ALDH18A1: variants seen among roughly 807,000 people sequenced by gnomAD.
ALDH18A1 encodes the protein delta-1-pyrroline-5-carboxylate synthase.
ALDH18A1 carries 44 observed loss-of-function variants against 88.8 expected under a neutral mutation model. The observed-to-expected ratio is 0.50, with a 90% CI of 0.39 to 0.64. ALDH18A1 has a LOEUF of 0.64. Among genes scored for constraint, ALDH18A1 ranks in the 30% least tolerant of loss-of-function variants. ALDH18A1 has a pLI of 0.00. For missense variants in ALDH18A1, 782 were observed against 1,009.5 expected (o/e 0.77, Z 3.05); for synonymous variants, 331 against 372.1 (o/e 0.89, Z 1.27).
At chr10:95,642,729 T>C (rs1280194940) in intron 3 of ALDH18A1, among the ~76,000 whole-genome samples, 1 of 151,980 alleles carries the variant, frequency 6.6e-6, no homozygotes, top group Non-Finnish European at 1.5e-5. Context: ...TAAGAATCTC[T>C]GACAGAAACA....
chr10:95,640,615 T>A (rs989858928), intron 3 of ALDH18A1, among the ~76,000 whole-genome samples: 8 of 152,214 alleles, frequency 5.3e-5, no homozygotes, highest in African/African-American at 1.9e-4. Context: ...GTGTTGGGAT[T>A]ACAGGTGTAA....
chr10:95,630,129 A>G (rs4918950), intron 7 of ALDH18A1, among the ~76,000 whole-genome samples: 115,694 of 151,540 alleles, frequency 0.76, 45,021 homozygotes, highest in Middle Eastern at 0.86. Flanking sequence ...CCCCTCTCCC[A>G]ACAGGGTCTC....
At position 95,621,095 on chromosome 10, in the gene ALDH18A1, T is replaced by C; in HGVS notation, c.1403A>G (p.Gln468Arg). The change falls in exon 12 of 18, where the codon CAA becomes CGA. Residue 468 changes from glutamine (Q) to arginine (R), a missense_variant. Transcript: ENST00000371224. ...CAGAACTCCAATTGGGACAGTCACT[T>C]GTTCCAGTTCCAAGTTTTTGGCGAT... ...TRIAKNLELE[Q>R]VTVPIGVLLV... is the part of the protein sequence containing the mutation. The C allele has an allele frequency of 1.2e-6, 2 of 1,614,104 alleles. No homozygotes were observed. Among genetic ancestry groups the C allele is most frequent in the Non-Finnish European group, 1.7e-6 (2 of 1,180,022 alleles).
intron 11 of ALDH18A1, among the ~76,000 whole-genome samples, chr10:95,622,788 C>T (rs551164033): frequency 4.7e-4 from 71 of 152,198 alleles, no homozygotes; most frequent in African/African-American, 1.5e-3. Flanking sequence ...CTGCCCACCT[C>T]GGCCTCCCAA....
chr10:95,611,720 C>G (rs1052415790), intron 15 of ALDH18A1, among the ~76,000 whole-genome samples: 2 of 152,056 alleles, frequency 1.3e-5, no homozygotes, highest in Admixed American at 1.3e-4. Flanking sequence ...GCCTGTAATC[C>G]CAGTACTTTG....
intron 7 of ALDH18A1, among the ~76,000 whole-genome samples, chr10:95,631,818 G>T (rs552050898): frequency 6.6e-6 from 1 of 151,754 alleles, no homozygotes; most frequent in Non-Finnish European, 1.5e-5. Flanking sequence ...TACAATGCTG[G>T]TGAGAATGTG....
chr10:95,622,614 T>C (rs990832410), intron 11 of ALDH18A1, among the ~76,000 whole-genome samples: 7 of 152,214 alleles, frequency 4.6e-5, no homozygotes, highest in Non-Finnish European at 1.0e-4. Flanking sequence ...CTCGGCTCAC[T>C]GCAAGCTCCA....
chr10:95,632,091 T>C (rs538703288), intron 7 of ALDH18A1, among the ~76,000 whole-genome samples: 6 of 152,288 alleles, frequency 3.9e-5, no homozygotes, highest in African/African-American at 1.2e-4. Flanking sequence ...GGATGAACCT[T>C]GAAAACATGC....
chr10:95,610,141 A>G (rs2139525665), intron 17 of ALDH18A1, 56 bp downstream of exon 17: 1 of 1,539,958 alleles, frequency 6.5e-7, no homozygotes, highest in Non-Finnish European at 9.0e-7. Flanking sequence ...ACATACCCCT[A>G]GACCACACAG....
At position 95,616,567 on chromosome 10, in the gene ALDH18A1, T is replaced by C. The variant is rs773778829; in HGVS notation, c.1515A>G (p.Gly505=). The part of the protein sequence containing the change: ...IASGNGLLLK[G]GKEAAHSNRI... ...GGTTGCTGTGTGCAGCCTCCTTCCC[T>C]CCTTTGAGTAACAAGCCATTGCCAC... Residue 505 remains glycine, a synonymous_variant, in exon 13 of 18, where the codon GGA becomes GGG. Coordinates refer to ENST00000371224, the MANE Select transcript of ALDH18A1 (RefSeq NM_002860.4). 1.2e-6 allele frequency: 2 copies of C among 1,604,060 alleles called. No individual in the cohort carries two copies. Among genetic ancestry groups the C allele is most frequent in the Non-Finnish European group, 1.7e-6 (2 of 1,175,442 alleles).
At chr10:95,620,206 G>A (rs1050233238) in intron 12 of ALDH18A1, among the ~76,000 whole-genome samples, 1 of 152,200 alleles carries the variant, frequency 6.6e-6, no homozygotes, top group Non-Finnish European at 1.5e-5. Context: ...CTGGTCATCA[G>A]AGAAATGCAA....
chr10:95,637,527 T>C, intron 3 of ALDH18A1, 91 bp from the exon 4 acceptor site: 1 of 1,485,738 alleles, frequency 6.7e-7, no homozygotes, highest in South Asian at 1.2e-5. Context: ...GGCTATCGAG[T>C]AGATCCCAAA....
chr10:95,617,614 C>T (rs955958559), intron 12 of ALDH18A1, among the ~76,000 whole-genome samples: 15 of 152,242 alleles, frequency 9.9e-5, no homozygotes, highest in Admixed American at 8.5e-4. Flanking sequence ...CTGACCTGAT[C>T]ATCCTACCTC....
At chr10:95,619,267 C>A (rs927274709) in intron 12 of ALDH18A1, among the ~76,000 whole-genome samples, 3 of 152,046 alleles carry the variant, frequency 2.0e-5, no homozygotes, top group African/African-American at 7.2e-5. Flanking sequence ...AACTACAAAC[C>A]ACTGCTCCAC....
rs1232679935 is a variant in ALDH18A1 at position 95,616,518 on chromosome 10, C to A, written c.1564G>T (p.Glu522Ter). Residue 522 changes from glutamate to a stop codon, truncating the protein, a stop_gained, in exon 13 of 18, where the codon GAG (glutamate) becomes TAG (stop). Transcript: ENST00000371224. LOFTEE classifies it high-confidence loss of function. Reference protein sequence around the residue: ...SNRILHLLTQEALSIHGVKEA... With the variant: ...SNRILHLLTQ ...TTGACTCCATGGATTGAGAGAGCCT[C>A]CTGGGTCAGGAGGTGGAGAATCCGG... 1 of 1,577,990 alleles carries A rather than the reference C, an allele frequency of 6.3e-7. No individual in the cohort carries two copies. The highest frequency in any genetic ancestry group is 1.3e-5 in the African/African-American group (1 of 74,598).
intron 7 of ALDH18A1, among the ~76,000 whole-genome samples, chr10:95,630,054 A>G (rs1306937910): frequency 6.6e-6 from 1 of 152,134 alleles, no homozygotes; most frequent in Admixed American, 6.5e-5. Context: ...CTTCAGATAC[A>G]CCATTTAATA....
intron 11 of ALDH18A1, among the ~76,000 whole-genome samples, chr10:95,623,552 T>C (rs1377791468): frequency 6.6e-6 from 1 of 151,590 alleles, no homozygotes; most frequent in Non-Finnish European, 1.5e-5. Flanking sequence ...GGATTACAAA[T>C]GTGAGCTACC....
rs1388480013 is a variant in ALDH18A1 at position 95,625,454 on chromosome 10, C to T, written c.1154G>A (p.Arg385Lys). Residue 385 changes from arginine to lysine, a missense_variant and splice_region_variant, in exon 11 of 18, where the codon AGA (arginine) becomes AAA (lysine). Coordinates refer to ENST00000371224, the MANE Select transcript of ALDH18A1 (RefSeq NM_002860.4). ...RMLATLEPEQ[R>K]AEIIHHLADL... ...AGCCAGATGATGGATAATTTCTGCTCTCTAGAAGAAAGGTACACCATTAAA... is the reference window on the plus strand; with the variant it reads ...AGCCAGATGATGGATAATTTCTGCTTTCTAGAAGAAAGGTACACCATTAAA... 1.2e-6 allele frequency: 2 copies of T among 1,612,774 alleles called. No homozygotes were observed. Among genetic ancestry groups the T allele is most frequent in the Non-Finnish European group, 1.7e-6 (2 of 1,179,008 alleles).
intron 13 of ALDH18A1, among the ~76,000 whole-genome samples, chr10:95,615,815 T>A (rs929850192): frequency 6.6e-6 from 1 of 152,196 alleles, no homozygotes; most frequent in South Asian, 2.1e-4. Context: ...CTAAACTCTA[T>A]CACACACCAT....
Sources: gnomAD v4.1 joint callset for allele counts (sites outside exome capture counted in the v4.1 genomes callset) on GRCh38, gnomAD v4.1.1 for gene constraint, MANE v1.5 for transcripts, NCBI Gene and HGNC (gene_info 2026-07-23, HGNC 2026-07-21) for gene names.